The following DNAH5 variants were observed in gnomAD, a reference collection of about 807,000 sequenced individuals.
DNAH5 encodes dynein axonemal heavy chain 5, also known as axonemal beta dynein heavy chain 5.
Under a neutral mutation model 518.2 loss-of-function variants are expected in DNAH5, and 372 were observed. The ratio of observed to expected loss-of-function variants is 0.72; its 90% CI spans 0.66 to 0.78. DNAH5 has a LOEUF of 0.78. Among genes scored for constraint, DNAH5 ranks in the 30% least tolerant of loss-of-function variants. The pLI is 0.00. For missense variants in DNAH5, 5,523 were observed against 5,687.0 expected (o/e 0.97, Z 0.93); for synonymous variants, 2,039 against 2,025.9 (o/e 1.01, Z -0.17).
At chr5:13,987,962 T>A (rs2152072166) in intron 1 of DNAH5, among the ~76,000 whole-genome samples, 1 of 152,194 alleles carries the variant, frequency 6.6e-6, no homozygotes, top group Admixed American at 6.5e-5. Context: ...TAGACAAACC[T>A]GTCACATGGA....
In DNAH5 at chr5:13,913,870, A is replaced by G. The variant is rs770475018; in HGVS notation, c.1409T>C (p.Phe470Ser). Residue 470 changes from phenylalanine (F) to serine (S), a missense_variant, in exon 11 of 79, where the codon TTT (phenylalanine) becomes TCT (serine). Physicochemically the swap from Phe to Ser is radical, Grantham distance 155 (BLOSUM62 -2). This residue lies in a region of DNAH5 where 5,121 missense variants were observed against 5,223.3 expected (regional missense o/e 0.98). Transcript: ENST00000265104. The part of the protein sequence containing the change: ...KQFDFSEMYI[F>S]GKFETFHRRL... Reference sequence around the variant, plus strand: ...TCGGTGAAAAGTTTCGAATTTTCCAAAAATATACATCTCGCTAAAATCAAA... The same window carrying G: ...TCGGTGAAAAGTTTCGAATTTTCCAGAAATATACATCTCGCTAAAATCAAA... 6.2e-7 allele frequency: 1 copy of G among 1,613,734 alleles called. No homozygotes were observed. The highest frequency in any genetic ancestry group is 8.5e-7 in the Non-Finnish European group (1 of 1,179,676).
At chr5:13,859,627 G>A (rs2151900152) in intron 29 of DNAH5, 22 bp from the exon 30 acceptor site, 1 of 1,612,666 alleles carries the variant, frequency 6.2e-7, no homozygotes, top group African/African-American at 1.3e-5. Flanking sequence ...AATAGGTTTA[G>A]GGTTTGGTTT....
chr5:13,702,585 G>T (rs1742256572), intron 76 of DNAH5, among the ~76,000 whole-genome samples: 1 of 152,160 alleles, frequency 6.6e-6, no homozygotes, highest in Non-Finnish European at 1.5e-5. Flanking sequence ...CACTGATCTG[G>T]AAGAATCTCC....
At position 13,871,654 on chromosome 5, in the gene DNAH5, C is replaced by T; in HGVS notation, c.3508G>A (p.Glu1170Lys). 6.2e-7 allele frequency: 1 copy of T among 1,613,792 alleles called. No homozygotes were observed. The highest frequency in any genetic ancestry group is 8.5e-7 in the Non-Finnish European group (1 of 1,179,796). The change falls in exon 23 of 79, where the codon GAG becomes AAG. Residue 1170 changes from glutamate to lysine, a missense_variant. This residue lies in a region of DNAH5 where 5,121 missense variants were observed against 5,223.3 expected (regional missense o/e 0.98). Coordinates refer to ENST00000265104, the MANE Select transcript of DNAH5 (RefSeq NM_001369.3). ...TTTTGGAAATAGAGAATCTGGGACT[C>T]AAATTCAGAAAGCAAGGGGCTCTGT... ...ITQSPLLSEF[E>K]SQILYFQNLE...
At chr5:13,933,789 C>CAA (rs533169329) in intron 1 of DNAH5, among the ~76,000 whole-genome samples, 29,021 of 82,050 alleles carry the variant, frequency 0.35, 4,901 homozygotes, top group Non-Finnish European at 0.39. Context: ...GACTCCACCT[C>CAA]AAAAAAAAAA....
chr5:13,886,776 T>G (rs1772502455), intron 17 of DNAH5, among the ~76,000 whole-genome samples: 1 of 152,226 alleles, frequency 6.6e-6, no homozygotes, highest in African/African-American at 2.4e-5. Context: ...TTATACGGCT[T>G]GAAAACTAGG....
chr5:13,862,452 A>G, intron 29 of DNAH5, 96 bp downstream of exon 29: 1 of 1,189,284 alleles, frequency 8.4e-7, no homozygotes, highest in Admixed American at 1.8e-5. Flanking sequence ...TGAGTAAACT[A>G]TATGAAGGCT....
At chr5:13,753,176 T>C (rs1750490746) in intron 63 of DNAH5, 57 bp downstream of exon 63, 1 of 1,352,122 alleles carries the variant, frequency 7.4e-7, no homozygotes, top group Non-Finnish European at 1.1e-6. Flanking sequence ...TGGATTTTTG[T>C]TTATCTGAGG....
At chr5:13,960,739 A>G (rs141908880) in intron 1 of DNAH5, among the ~76,000 whole-genome samples, 1 of 152,246 alleles carries the variant, frequency 6.6e-6, no homozygotes, top group East Asian at 1.9e-4. Flanking sequence ...GGAGTCCCTC[A>G]GTATCCCTCC....
intron 1 of DNAH5, among the ~76,000 whole-genome samples, chr5:14,000,635 C>CA (rs111658670): frequency 0.041 from 5,140 of 126,196 alleles, 182 homozygotes; most frequent in African/African-American, 0.11. Context: ...GTTAAAAAGC[C>CA]AAAAAAAAAA....
intron 30 of DNAH5, among the ~76,000 whole-genome samples, chr5:13,857,000 A>G (rs1337476140): frequency 2.0e-5 from 3 of 152,232 alleles, no homozygotes; most frequent in African/African-American, 7.2e-5. Flanking sequence ...TAGTATTGGT[A>G]GTTCTGGCCA....
At chr5:13,900,957 T>C (rs1235959401) in intron 14 of DNAH5, among the ~76,000 whole-genome samples, 1 of 152,248 alleles carries the variant, frequency 6.6e-6, no homozygotes, top group Non-Finnish European at 1.5e-5. Context: ...GACTGAATTT[T>C]AAAAAGCAAG....
At chr5:13,986,965 C>CGTA (rs1783094129) in intron 1 of DNAH5, among the ~76,000 whole-genome samples, 1 of 152,162 alleles carries the variant, frequency 6.6e-6, no homozygotes, top group African/African-American at 2.4e-5. Context: ...ATGCATCATG[C>CGTA]GTAACTAATA....
chr5:13,745,925 A>G (rs1172260094), intron 65 of DNAH5, among the ~76,000 whole-genome samples: 2 of 152,150 alleles, frequency 1.3e-5, no homozygotes. Flanking sequence ...AGTCAAAGGA[A>G]TAATTTGGAC....
chr5:13,920,416 C>G, intron 6 of DNAH5, 64 bp downstream of exon 6: 1 of 1,598,810 alleles, frequency 6.3e-7, no homozygotes, highest in East Asian at 2.2e-5. Context: ...GTCAATACAC[C>G]TTCTTCCATT....
At chr5:13,725,774 C>A (rs555644774) in intron 70 of DNAH5, among the ~76,000 whole-genome samples, 25 of 152,316 alleles carry the variant, frequency 1.6e-4, no homozygotes, top group African/African-American at 6.0e-4. Context: ...CCTGCCTCAG[C>A]CTCCCAAGTA....
intron 12 of DNAH5, among the ~76,000 whole-genome samples, chr5:13,906,951 AAAG>A (rs1418796023): frequency 2.0e-5 from 3 of 152,348 alleles, no homozygotes; most frequent in African/African-American, 2.4e-5. Flanking sequence ...AATTCCAAAG[AAAG>A]AAGAAAAAAA....
In DNAH5 at chr5:13,753,515, A is replaced by G. The variant is rs774032957; in HGVS notation, c.10590T>C (p.Tyr3530=). The G allele has an allele frequency of 4.3e-6, 7 of 1,614,018 alleles. No homozygotes were observed. The Admixed American group carries it at 5.0e-5, about 12-fold the overall frequency. The stretch of plus-strand genomic sequence containing the variant: ...GAAACTCTTGGTTAAATGGACCAGA[A>G]TAAGATAGAAAAGCTGTAGCCAACA... ...DVLLATAFLS[Y]SGPFNQEFRD... The change falls in exon 63 of 79, where the codon TAT becomes TAC. Residue 3530 remains tyrosine (Y), a synonymous_variant. Transcript: ENST00000265104.
At chr5:13,953,632 A>G (rs1358425780) in intron 1 of DNAH5, among the ~76,000 whole-genome samples, 1 of 152,242 alleles carries the variant, frequency 6.6e-6, no homozygotes, top group African/African-American at 2.4e-5. Flanking sequence ...ATTAATCTGA[A>G]CAATTACTTT....
Sources: allele counts gnomAD v4.1 joint callset (sites outside exome capture counted in the v4.1 genomes callset), GRCh38; gene constraint gnomAD v4.1.1; regional missense constraint gnomAD v4.1.1; transcripts MANE v1.5; gene names NCBI Gene and HGNC (gene_info 2026-07-23, HGNC 2026-07-21).